The following PPIC variants were observed in gnomAD, a reference collection of about 807,000 sequenced individuals.
PPIC encodes peptidylprolyl isomerase C.
Under a neutral mutation model 19.5 loss-of-function variants are expected in PPIC, and 19 were observed. The observed-to-expected ratio is 0.98, with a 90% CI of 0.68 to 1.43. The LOEUF (loss-of-function observed/expected upper bound fraction) is 1.43, where lower values mean the gene tolerates loss of function less well. Among genes scored for constraint, PPIC ranks in the 40% most tolerant of loss-of-function variants. PPIC has a pLI of 0.00. For synonymous variants in PPIC, 107 were observed against 101.2 expected, an observed-to-expected ratio of 1.06 and a Z score of -0.34; for missense variants, 268 against 268.6, an observed-to-expected ratio of 1.00 and a Z score of 0.02.
Position 123,036,565 on chromosome 5 carries a change from C to G in PPIC, c.61G>C (p.Val21Leu), listed in dbSNP as rs888193530. The G allele has an allele frequency of 6.2e-7, 1 of 1,602,868 alleles. No homozygotes were observed. The highest frequency in any genetic ancestry group is 2.3e-5 in the East Asian group (1 of 44,440). Reference protein sequence around the residue: ...LVLCVGLGALVFSSGAEGFRK... With the variant: ...LVLCVGLGALLFSSGAEGFRK... Reference sequence around the variant, plus strand: ...AAGCCCTCGGCCCCCGAAGAAAACACAAGTGCGCCGAGCCCCACGCAAAGC... The same window carrying G: ...AAGCCCTCGGCCCCCGAAGAAAACAGAAGTGCGCCGAGCCCCACGCAAAGC... Residue 21 changes from valine to leucine, a missense_variant, in exon 1 of 5, where the codon GTG becomes CTG. Physicochemically the swap from Val to Leu is conservative, Grantham distance 32. Coordinates refer to ENST00000306442, the MANE Select transcript of PPIC (RefSeq NM_000943.5). This position sits in a 1 kb window ranked among gnomAD's most constrained non-coding sequence, Gnocchi z 4.5.
At chr5:123,025,250 C>G (rs1443079986) in intron 4 of PPIC, among the ~76,000 whole-genome samples, 1 of 152,150 alleles carries the variant, frequency 6.6e-6, no homozygotes, top group South Asian at 2.1e-4. Context: ...AACCAATAGC[C>G]AGAATTTTTC....
At position 123,036,600 on chromosome 5, in the gene PPIC, A is replaced by C. The variant is rs1173331532; in HGVS notation, c.26T>G (p.Leu9Arg). MGPGPRLL[L>R]PLVLCVGLGA... is the part of the protein sequence containing the mutation. ...GAGCCCCACGCAAAGCACGAGAGGT[A>C]GCAGCAGCCGAGGACCCGGGCCCAT... Residue 9 changes from leucine (L) to arginine (R), a missense_variant, in exon 1 of 5, where the codon CTA becomes CGA. Transcript: ENST00000306442. The surrounding 1 kb of genome is among the most constrained non-coding windows in gnomAD (Gnocchi z 4.5). 6.3e-7 allele frequency: 1 copy of C among 1,594,890 alleles called. No individual in the cohort carries two copies. Among genetic ancestry groups the C allele is most frequent in the East Asian group, 2.3e-5 (1 of 44,194 alleles).
At chr5:123,031,884 C>T (rs1762948079) in intron 1 of PPIC, among the ~76,000 whole-genome samples, 1 of 152,162 alleles carries the variant, frequency 6.6e-6, no homozygotes, top group Non-Finnish European at 1.5e-5. Context: ...GCAACCCCTG[C>T]CTCCCAGGTT....
At chr5:123,031,950 C>T (rs769465926) in intron 1 of PPIC, among the ~76,000 whole-genome samples, 20 of 152,168 alleles carry the variant, frequency 1.3e-4, no homozygotes, top group Non-Finnish European at 2.8e-4. Context: ...GTGTGTACCA[C>T]CACACCTGGC....
rs1284297737 is a variant in PPIC at position 123,025,924 on chromosome 5, G to C, written c.370C>G (p.Leu124Val). The change falls in exon 4 of 5, where the codon CTG (leucine) becomes GTG (valine). Residue 124 changes from leucine (L) to valine (V), a missense_variant. By Grantham distance (32) the Leu-to-Val change is conservative. Transcript: ENST00000306442. ...GETFPDENFK[L>V]KHYGIGWVSM... Reference sequence around the variant, plus strand: ...ACCCACCCAATGCCATAGTGCTTCAGCTTGAAGTTCTCATCTGGAAATGTC... The same window carrying C: ...ACCCACCCAATGCCATAGTGCTTCACCTTGAAGTTCTCATCTGGAAATGTC... The C allele has an allele frequency of 6.2e-7, 1 of 1,610,116 alleles. No homozygotes were observed. Among genetic ancestry groups the C allele is most frequent in the East Asian group, 2.2e-5 (1 of 44,824 alleles).
rs1349825650 is a variant in PPIC, at chr5:123,023,357, A to AT, written c.*517dup. Reference sequence around the variant, plus strand: ...TTGTATATTTCTTAAAGAACTTTACATTTTTAAAAAGTCTTGCAAAAAGAG... The same window carrying AT: ...TTGTATATTTCTTAAAGAACTTTACATTTTTTAAAAAGTCTTGCAAAAAGAG... On this transcript the variant is annotated 3_prime_UTR_variant, in exon 5 of 5. Transcript: ENST00000306442. 1 of 152,250 alleles carries AT rather than the reference A, an allele frequency of 6.6e-6. No homozygotes were observed. Among genetic ancestry groups the AT allele is most frequent in the East Asian group, 1.9e-4 (1 of 5,202 alleles). 9.4% of individuals were successfully genotyped at this position (152,250 alleles called of 1,614,324 possible).
At chr5:123,035,128 C>T (rs1406069067) in intron 1 of PPIC, among the ~76,000 whole-genome samples, 2 of 152,204 alleles carry the variant, frequency 1.3e-5, no homozygotes, top group Non-Finnish European at 1.5e-5. Flanking sequence ...TCCGTCCTCT[C>T]CACATCCTCT....
Position 123,029,383 on chromosome 5 carries a change from A to G in PPIC, c.153T>C (p.Val51=), listed in dbSNP as rs751846165. The G allele has an allele frequency of 6.2e-7, 1 of 1,608,794 alleles. No homozygotes were observed. Among genetic ancestry groups the G allele is most frequent in the Non-Finnish European group, 8.5e-7 (1 of 1,176,864 alleles). ...FFDVRIGDKD[V]GRIVIGLFGK... ...CAAAGAGGCCAATCACAATTCTGCC[A>G]ACATCTTTGTCTCCAATCCTCACAT... The change falls in exon 2 of 5, where the codon GTT becomes GTC. Residue 51 remains valine (V), a synonymous_variant. Transcript: ENST00000306442.
chr5:123,033,820 G>A (rs1432218109), intron 1 of PPIC, among the ~76,000 whole-genome samples: 5 of 152,252 alleles, frequency 3.3e-5, no homozygotes, highest in Admixed American at 1.3e-4. Flanking sequence ...GCTGTAATAT[G>A]TGTGCAGCTG....
Position 123,023,836 on chromosome 5 carries a change from A to ACACACACACC in PPIC, c.*38_*39insGGTGTGTGTG. The ACACACACACC allele has an allele frequency of 1.2e-6, 2 of 1,602,836 alleles. No homozygotes were observed. Among genetic ancestry groups the ACACACACACC allele is most frequent in the Non-Finnish European group, 1.7e-6 (2 of 1,174,838 alleles). On this transcript the variant is annotated 3_prime_UTR_variant, in exon 5 of 5. Transcript: ENST00000306442. ...CACACACACACACACACACACACACACCCCTGCCAAAGCATATCCTTGTTT... is the reference window on the plus strand; with the variant it reads ...CACACACACACACACACACACACACACACACACACCCCCCTGCCAAAGCATATCCTTGTTT...
Position 123,036,666 on chromosome 5 carries a change from G to C in PPIC, c.-41C>G, listed in dbSNP as rs751159077. On this transcript the variant is annotated 5_prime_UTR_variant, in exon 1 of 5. Transcript: ENST00000306442. This position sits in a 1 kb window ranked among gnomAD's most constrained non-coding sequence, Gnocchi z 4.5. ...CGGCGCTACCGGCACGGGCGCTACC[G>C]GCACGGGCGCGACACAGGCTCTGGG... 3.3e-6 allele frequency: 5 copies of C among 1,509,982 alleles called. No individual in the cohort carries two copies. Among genetic ancestry groups the C allele is most frequent in the African/African-American group, 1.4e-5 (1 of 72,228 alleles). 93.5% of individuals were successfully genotyped at this position (1,509,982 alleles called of 1,614,324 possible).
At position 123,036,581 on chromosome 5, in the gene PPIC, C is replaced by T; in HGVS notation, c.45G>A (p.Val15=). 1.3e-6 allele frequency: 2 copies of T among 1,598,654 alleles called. No individual in the cohort carries two copies. Among genetic ancestry groups the T allele is most frequent in the South Asian group, 2.3e-5 (2 of 88,570 alleles). The part of the protein sequence containing the change: ...PRLLLPLVLC[V]GLGALVFSSG... ...AAGAAAACACAAGTGCGCCGAGCCC[C>T]ACGCAAAGCACGAGAGGTAGCAGCA... The change falls in exon 1 of 5, where the codon GTG becomes GTA. Residue 15 remains valine, a synonymous_variant. Transcript: ENST00000306442. This position sits in a 1 kb window ranked among gnomAD's most constrained non-coding sequence, Gnocchi z 4.5.
chr5:123,026,718 A>G (rs1762860327), intron 3 of PPIC, among the ~76,000 whole-genome samples: 1 of 152,202 alleles, frequency 6.6e-6, no homozygotes, highest in South Asian at 2.1e-4. Flanking sequence ...CAGGAGAACC[A>G]AAGCAAGGCA....
intron 1 of PPIC, 48 bp from the exon 2 acceptor site, chr5:123,029,466 A>C (rs551481209): frequency 6.7e-7 from 1 of 1,503,734 alleles, no homozygotes; most frequent in Non-Finnish European, 8.9e-7. Context: ...GTGGAAAAGC[A>C]CAAATACAAG....
intron 3 of PPIC, among the ~76,000 whole-genome samples, chr5:123,027,714 A>G (rs565683997): frequency 6.6e-6 from 1 of 152,354 alleles, no homozygotes; most frequent in East Asian, 1.9e-4. Flanking sequence ...ATAAACATAA[A>G]ATTAGAAATA....
At chr5:123,026,334 A>G (rs942987368) in intron 3 of PPIC, among the ~76,000 whole-genome samples, 1 of 152,136 alleles carries the variant, frequency 6.6e-6, no homozygotes, top group Admixed American at 6.5e-5. Flanking sequence ...GAGCCATCCT[A>G]GTGGCTGTGC....
At chr5:123,024,426 G>C (rs1415564896) in intron 4 of PPIC, among the ~76,000 whole-genome samples, 2 of 152,112 alleles carry the variant, frequency 1.3e-5, no homozygotes, top group Non-Finnish European at 2.9e-5. Context: ...CACATGTATG[G>C]GCCAGAAAGC....
intron 1 of PPIC, among the ~76,000 whole-genome samples, chr5:123,031,797 TTTATTTAC>T (rs1445246646): frequency 1.3e-5 from 2 of 152,104 alleles, no homozygotes; most frequent in African/African-American, 4.8e-5. Context: ...AAGGCATTTA[TTTATTTAC>T]TTATTTACTG....
rs537358003 is a variant in PPIC at position 123,036,317 on chromosome 5, G to A, written c.117+192C>T. 7.7e-5 allele frequency: 46 copies of A among 597,408 alleles called. No individual in the cohort carries two copies. Among genetic ancestry groups the A allele is most frequent in the African/African-American group, 7.3e-4 (38 of 52,384 alleles). The allele number at this position is 597,408 out of a possible 1,614,324, so 37.0% of individuals were successfully genotyped here. On this transcript the variant is annotated intron_variant, in intron 1 of 4. Coordinates refer to ENST00000306442, the MANE Select transcript of PPIC (RefSeq NM_000943.5). This position sits in a 1 kb window ranked among gnomAD's most constrained non-coding sequence, Gnocchi z 4.5. ...GGCTGGCCTCAGCCCAGCTCCCCCA[G>A]GGTCTCCCCCGGAGCGCCGGCCTCC...
Sources: gnomAD v4.1 joint callset for allele counts (sites outside exome capture counted in the v4.1 genomes callset) on GRCh38, gnomAD v4.1.1 for gene constraint, Gnocchi (gnomAD v3.1) non-coding constraint, MANE v1.5 for transcripts, NCBI Gene and HGNC (gene_info 2026-07-23, HGNC 2026-07-21) for gene names.